The following HS2ST1 variants were observed in gnomAD, a reference collection of about 807,000 sequenced individuals.
The protein encoded by HS2ST1 is heparan sulfate 2-O-sulfotransferase 1, also known as 2-O-sulfotransferase.
Under a neutral mutation model 42.9 loss-of-function variants are expected in HS2ST1, and 18 were observed. The observed-to-expected ratio is 0.42, with a 90% CI of 0.29 to 0.62. The LOEUF (loss-of-function observed/expected upper bound fraction) is 0.62, where lower values mean the gene tolerates loss of function less well. Ranked by LOEUF, HS2ST1 falls within the 20% of genes least tolerant of loss-of-function variation. The pLI is 0.21. For missense variants in HS2ST1, 334 were observed against 433.8 expected (o/e 0.77, Z 2.04); for synonymous variants, 146 against 152.9 (o/e 0.95, Z 0.33).
rs139830569 is a variant in HS2ST1 at position 86,998,532 on chromosome 1, C to G, written c.125-74402C>G. Among the ~76,000 whole-genome samples the G allele has an allele frequency of 1.2e-3, 178 of 152,258 alleles. 2 individuals are homozygous for G. The East Asian group carries it at 0.032, about 28-fold the overall frequency. ...CTTACAGTTCACAGTGGTTTTACTA[C>G]AGAAGCACAACAGTCATTCCTGTTC... On this transcript the variant is annotated intron_variant, in intron 1 of 6. Coordinates refer to ENST00000370550, the MANE Select transcript of HS2ST1 (RefSeq NM_012262.4).
intron 1 of HS2ST1, among the ~76,000 whole-genome samples, chr1:86,970,765 CA>C (rs1173060433): frequency 2.0e-5 from 3 of 152,066 alleles, no homozygotes; most frequent in Non-Finnish European, 4.4e-5. Context: ...TTGGTTCACA[CA>C]TGGCCTTTGT....
intron 2 of HS2ST1, among the ~76,000 whole-genome samples, chr1:87,078,585 C>G (rs575545796): frequency 6.6e-6 from 1 of 152,302 alleles, no homozygotes; most frequent in Non-Finnish European, 1.5e-5. Context: ...CTTATTTCTT[C>G]TCCCCAAGCC....
At chr1:87,034,853 A>G (rs1650330608) in intron 1 of HS2ST1, among the ~76,000 whole-genome samples, 1 of 152,206 alleles carries the variant, frequency 6.6e-6, no homozygotes, top group African/African-American at 2.4e-5. Context: ...GTCACTTTAT[A>G]TGGCAAAAAG....
intron 1 of HS2ST1, among the ~76,000 whole-genome samples, chr1:87,043,814 G>A (rs921634761): frequency 1.6e-4 from 24 of 151,996 alleles, no homozygotes; most frequent in African/African-American, 4.8e-4. Context: ...TGAAATATAT[G>A]TATAGAAATA....
intron 1 of HS2ST1, among the ~76,000 whole-genome samples, chr1:87,036,119 T>A (rs1650369197): frequency 6.6e-6 from 1 of 152,198 alleles, no homozygotes; most frequent in South Asian, 2.1e-4. Context: ...TTCATCCATG[T>A]CCCTGCAAAA....
intron 2 of HS2ST1, among the ~76,000 whole-genome samples, chr1:87,081,267 C>T (rs1396455129): frequency 6.6e-6 from 1 of 152,164 alleles, no homozygotes; most frequent in African/African-American, 2.4e-5. Flanking sequence ...ACATTCTTCT[C>T]CTCAGCATAT....
In HS2ST1 at chr1:87,063,160, C is replaced by T. The variant is rs532128285; in HGVS notation, c.125-9774C>T. ...CCAATGTTAGATCTTTTGTTCTAGACCACAGTTTCTTGAGCTCTTGTTTGT... is the reference window on the plus strand; with the variant it reads ...CCAATGTTAGATCTTTTGTTCTAGATCACAGTTTCTTGAGCTCTTGTTTGT... On this transcript the variant is annotated intron_variant, in intron 1 of 6. Transcript: ENST00000370550. 1.2e-3 allele frequency among the ~76,000 whole-genome samples: 181 copies of T among 152,222 alleles called. 1 individual carries two copies. Among genetic ancestry groups the T allele is most frequent in the African/African-American group, 4.1e-3 (170 of 41,538 alleles).
chr1:86,972,372 A>G (rs927153193), intron 1 of HS2ST1, among the ~76,000 whole-genome samples: 2 of 151,722 alleles, frequency 1.3e-5, no homozygotes, highest in African/African-American at 4.8e-5. Context: ...TTTTTAAGAG[A>G]TGGAGGTCTC....
At chr1:86,946,328 G>GT (rs1647336347) in intron 1 of HS2ST1, among the ~76,000 whole-genome samples, 1 of 152,214 alleles carries the variant, frequency 6.6e-6, no homozygotes. Flanking sequence ...TCTTCTTGCT[G>GT]TACAGATAAG....
chr1:86,948,442 T>C (rs1647401367), intron 1 of HS2ST1, among the ~76,000 whole-genome samples: 1 of 152,210 alleles, frequency 6.6e-6, no homozygotes. Context: ...CCTGTACCAC[T>C]GCGCCTGCCA....
At position 87,106,574 on chromosome 1, in the gene HS2ST1, C is replaced by T. The variant is rs1652328917; in HGVS notation, c.*1878C>T. On this transcript the variant is annotated 3_prime_UTR_variant, in exon 7 of 7. Transcript: ENST00000370550. ...AGAAAACATTTATAAACAAAAGAAA[C>T]ATTTATAAACTAAAGAAAAACTAAA... 6.6e-6 allele frequency: 1 copy of T among 151,956 alleles called. No individual in the cohort carries two copies. The allele number at this position is 151,956 out of a possible 1,614,324, so 9.4% of individuals were successfully genotyped here.
chr1:87,006,560 A>C (rs1649441666), intron 1 of HS2ST1, among the ~76,000 whole-genome samples: 1 of 152,126 alleles, frequency 6.6e-6, no homozygotes, highest in Non-Finnish European at 1.5e-5. Context: ...TAATAGCCAA[A>C]TGGTTATAGA....
chr1:87,074,222 G>A (rs561515298), intron 2 of HS2ST1, among the ~76,000 whole-genome samples: 1 of 152,140 alleles, frequency 6.6e-6, no homozygotes, highest in East Asian at 1.9e-4. Context: ...CACATCTGTC[G>A]GCCAAACCAA....
intron 1 of HS2ST1, among the ~76,000 whole-genome samples, chr1:86,978,246 A>G (rs1368493879): frequency 2.0e-5 from 3 of 152,244 alleles, no homozygotes; most frequent in African/African-American, 7.2e-5. Context: ...TAGGAGATGC[A>G]TAACTGTACA....
intron 1 of HS2ST1, among the ~76,000 whole-genome samples, chr1:86,963,520 G>C (rs1370445063): frequency 1.3e-5 from 2 of 152,198 alleles, no homozygotes; most frequent in African/African-American, 4.8e-5. Flanking sequence ...ATTTTTCTTA[G>C]TACAGAACAA....
chr1:86,993,393 A>G (rs1159842089), intron 1 of HS2ST1, among the ~76,000 whole-genome samples: 1 of 152,192 alleles, frequency 6.6e-6, no homozygotes, highest in Non-Finnish European at 1.5e-5. Flanking sequence ...GTTCCTGCTT[A>G]CATGTCTGCT....
chr1:86,939,384 A>C (rs1034063430), intron 1 of HS2ST1, among the ~76,000 whole-genome samples: 1 of 152,186 alleles, frequency 6.6e-6, no homozygotes, highest in Non-Finnish European at 1.5e-5. Flanking sequence ...AATTAATTTG[A>C]GCTGAAGTGT....
At position 87,091,537 on chromosome 1, in the gene HS2ST1, G is replaced by T. The variant is rs1045959484; in HGVS notation, c.450-994G>T. On this transcript the variant is annotated intron_variant, in intron 3 of 6. Coordinates refer to ENST00000370550, the MANE Select transcript of HS2ST1 (RefSeq NM_012262.4). ...GTTTAGGAACATCCTTTGAGAATTG[G>T]TATGGAAGATAGATTGAAAGGGAGA... is the stretch of plus-strand genomic sequence containing the variant. 2.6e-5 allele frequency among the ~76,000 whole-genome samples: 4 copies of T among 152,046 alleles called. No individual in the cohort carries two copies. In the South Asian group the frequency reaches 8.3e-4, roughly 32 times the overall value.
intron 1 of HS2ST1, among the ~76,000 whole-genome samples, chr1:87,018,779 C>A (rs143742982): frequency 6.6e-6 from 1 of 152,088 alleles, no homozygotes; most frequent in East Asian, 1.9e-4. Flanking sequence ...GGTGGTTGCG[C>A]CTTATCATGT....
Sources: allele counts gnomAD v4.1 joint callset (sites outside exome capture counted in the v4.1 genomes callset), GRCh38; gene constraint gnomAD v4.1.1; transcripts MANE v1.5; gene names NCBI Gene and HGNC (gene_info 2026-07-23, HGNC 2026-07-21).